Variants in TRIM62 observed in about 807,000 individuals in gnomAD.
TRIM62 encodes tripartite motif containing 62.
TRIM62 carries 39 observed loss-of-function variants against 44.2 expected under a neutral mutation model. The observed-to-expected ratio is 0.88, with a 90% CI of 0.68 to 1.15. The LOEUF (loss-of-function observed/expected upper bound fraction) is 1.15, where lower values mean the gene tolerates loss of function less well. Ranked by LOEUF, TRIM62 falls within the 50% of genes most tolerant of loss-of-function variation. The probability of loss-of-function intolerance (pLI) is 0.00; values close to 1 mark genes in which losing one functional copy is unlikely to be tolerated. For synonymous variants in TRIM62, 278 were observed against 292.3 expected (o/e 0.95, Z 0.50); for missense variants, 544 against 665.5 (o/e 0.82, Z 2.01).
At chr1:33,180,773 G>A (rs1393697915) in intron 1 of TRIM62, among the ~76,000 whole-genome samples, 1 of 152,142 alleles carries the variant, frequency 6.6e-6, no homozygotes, top group African/African-American at 2.4e-5. Context: ...CGGACCAGCC[G>A]GTACTCCAGG....
rs1645336266 is a variant in TRIM62, at chr1:33,167,177, T to A, written c.409-1611A>T. Among the ~76,000 whole-genome samples, 1 of 152,210 alleles carries A rather than the reference T, an allele frequency of 6.6e-6. No individual in the cohort carries two copies. Among genetic ancestry groups the A allele is most frequent in the Non-Finnish European group, 1.5e-5 (1 of 68,038 alleles). ...TCAGATGCCACCTCCTTGAAGAGTC[T>A]TGCCTGACCGCCCCACGCACAGTGG... On this transcript the variant is annotated intron_variant, in intron 1 of 4. Coordinates refer to ENST00000291416, the MANE Select transcript of TRIM62 (RefSeq NM_018207.3). This position sits in a 1 kb window ranked among gnomAD's most constrained non-coding sequence, Gnocchi z 4.2.
At position 33,161,554 on chromosome 1, in the gene TRIM62, C is replaced by T. The variant is rs1038706198; in HGVS notation, c.505-1610G>A. Reference sequence around the variant, plus strand: ...AGAACTGCTGGCGGTGGGCCAGCCTCGCTGCGCATGCCCACCCAGAACGCC... The same window carrying T: ...AGAACTGCTGGCGGTGGGCCAGCCTTGCTGCGCATGCCCACCCAGAACGCC... On this transcript the variant is annotated intron_variant, in intron 2 of 4. Coordinates refer to ENST00000291416, the MANE Select transcript of TRIM62 (RefSeq NM_018207.3). This position sits in a 1 kb window ranked among gnomAD's most constrained non-coding sequence, Gnocchi z 4.3. 2.6e-5 allele frequency among the ~76,000 whole-genome samples: 4 copies of T among 152,042 alleles called. No individual in the cohort carries two copies. The highest frequency in any genetic ancestry group is 9.7e-5 in the African/African-American group (4 of 41,386).
rs564453281 is a variant in TRIM62, at chr1:33,171,763, T to G, written c.409-6197A>C. Among the ~76,000 whole-genome samples, 4 of 152,282 alleles carry G rather than the reference T, an allele frequency of 2.6e-5. No individual in the cohort carries two copies. In the South Asian group the frequency reaches 6.2e-4, roughly 24 times the overall value. ...CTCCCTCCACCTTGGTTTCCAAATC[T>G]GTAAAGTAAGGTCTTATTTTTATTT... On this transcript the variant is annotated intron_variant, in intron 1 of 4. Transcript: ENST00000291416.
rs990512406 is a variant in TRIM62, at chr1:33,165,998, T to A, written c.409-432A>T. On this transcript the variant is annotated intron_variant, in intron 1 of 4. Coordinates refer to ENST00000291416, the MANE Select transcript of TRIM62 (RefSeq NM_018207.3). This position sits in a 1 kb window ranked among gnomAD's most constrained non-coding sequence, Gnocchi z 4.0. Reference sequence around the variant, plus strand: ...GGTGGGGAGGGGCAAACCATCTGTATTTGCAGCCGCTCCTCATCGCTGGCA... The same window carrying A: ...GGTGGGGAGGGGCAAACCATCTGTAATTGCAGCCGCTCCTCATCGCTGGCA... 2 of 153,824 alleles carry A rather than the reference T, an allele frequency of 1.3e-5. No individual in the cohort carries two copies. Among genetic ancestry groups the A allele is most frequent in the Admixed American group, 1.3e-4 (2 of 15,336 alleles). 9.5% of individuals were successfully genotyped at this position (153,824 alleles called of 1,614,324 possible).
Position 33,180,033 on chromosome 1 carries a change from G to C in TRIM62, c.408+992C>G, listed in dbSNP as rs886926426. On this transcript the variant is annotated intron_variant, in intron 1 of 4. Coordinates refer to ENST00000291416, the MANE Select transcript of TRIM62 (RefSeq NM_018207.3). ...GTTTGACCAGTGGAACTTGGAGAAG[G>C]CTTCACGGAGAGGATATTTGAGCAA... Among the ~76,000 whole-genome samples the C allele has an allele frequency of 2.4e-4, 34 of 139,824 alleles. 1 individual carries two copies. Among genetic ancestry groups the C allele is most frequent in the African/African-American group, 7.5e-4 (27 of 36,042 alleles). The allele number at this position is 139,824 out of a possible 152,430, so 91.7% of individuals were successfully genotyped here.
intron 1 of TRIM62, among the ~76,000 whole-genome samples, chr1:33,175,583 C>A (rs1645412943): frequency 6.6e-6 from 1 of 152,168 alleles, no homozygotes; most frequent in Non-Finnish European, 1.5e-5. Flanking sequence ...TTGGTGCTCC[C>A]TGGGACAGTT....
intron 4 of TRIM62, among the ~76,000 whole-genome samples, chr1:33,155,710 C>A (rs116549854): frequency 2.2e-4 from 34 of 152,338 alleles, no homozygotes; most frequent in Middle Eastern, 3.4e-3. Flanking sequence ...TCCCACTTCT[C>A]AGGGAGAATT....
Position 33,177,873 on chromosome 1 carries a change from C to T in TRIM62, c.408+3152G>A, listed in dbSNP as rs1047089509. On this transcript the variant is annotated intron_variant, in intron 1 of 4. Transcript: ENST00000291416. This position sits in a 1 kb window ranked among gnomAD's most constrained non-coding sequence, Gnocchi z 4.1. ...AGTACTAAGTTTTTATAAACATCAT[C>T]TTGTTTAATCCTAATATAATTACTT... Among the ~76,000 whole-genome samples the T allele has an allele frequency of 6.6e-6, 1 of 152,140 alleles. No individual in the cohort carries two copies. Among genetic ancestry groups the T allele is most frequent in the African/African-American group, 2.4e-5 (1 of 41,418 alleles).
chr1:33,156,209 A>G (rs886144406), intron 4 of TRIM62, among the ~76,000 whole-genome samples: 31 of 152,244 alleles, frequency 2.0e-4, no homozygotes, highest in Admixed American at 9.8e-4. Flanking sequence ...CTTTCCAATC[A>G]TCTCACAGAT....
intron 1 of TRIM62, among the ~76,000 whole-genome samples, chr1:33,168,198 G>A (rs1307439689): frequency 6.6e-6 from 1 of 152,122 alleles, no homozygotes; most frequent in Non-Finnish European, 1.5e-5. Context: ...TGTTTTGAGA[G>A]CCCATGCTGA....
intron 4 of TRIM62, among the ~76,000 whole-genome samples, chr1:33,153,306 C>G (rs978389734): frequency 2.6e-5 from 4 of 152,192 alleles, no homozygotes; most frequent in Non-Finnish European, 2.9e-5. Context: ...TCTGAACTCC[C>G]CAGGGGCCTC....
chr1:33,147,112 T>A lies in TRIM62; in HGVS notation c.*65A>T. ...GGTGGGCTGGAGTCCAGGTCTTCTA[T>A]CTCCTGGGCAGGGCTCTTGCAGGTG... On this transcript the variant is annotated 3_prime_UTR_variant, in exon 5 of 5. Coordinates refer to ENST00000291416, the MANE Select transcript of TRIM62 (RefSeq NM_018207.3). This position sits in a 1 kb window ranked among gnomAD's most constrained non-coding sequence, Gnocchi z 8.1. 2.6e-6 allele frequency: 4 copies of A among 1,552,008 alleles called. No homozygotes were observed. The highest frequency in any genetic ancestry group is 2.4e-5 in the South Asian group (2 of 82,030).
In TRIM62 at chr1:33,176,563, C is replaced by T. The variant is rs138723968; in HGVS notation, c.408+4462G>A. On this transcript the variant is annotated intron_variant, in intron 1 of 4. Coordinates refer to ENST00000291416, the MANE Select transcript of TRIM62 (RefSeq NM_018207.3). ...TAGGAACCTGAGACGGCCAGAGAGC[C>T]GGATGCCACGTCTGCTCTGACCAAG... 757 of 597,098 alleles carry T rather than the reference C, an allele frequency of 1.3e-3. 1 individual carries two copies. Among genetic ancestry groups the T allele is most frequent in the Non-Finnish European group, 2.1e-3 (673 of 318,694 alleles). The allele number at this position is 597,098 out of a possible 1,614,324, so 37.0% of individuals were successfully genotyped here. A position where few individuals can be genotyped will look rare whatever the true frequency, so the allele number is the denominator to read the frequency against.
At position 33,167,893 on chromosome 1, in the gene TRIM62, G is replaced by A. The variant is rs1645342638; in HGVS notation, c.409-2327C>T. Among the ~76,000 whole-genome samples, 1 of 152,194 alleles carries A rather than the reference G, an allele frequency of 6.6e-6. No homozygotes were observed. Among genetic ancestry groups the A allele is most frequent in the Admixed American group, 6.5e-5 (1 of 15,274 alleles). On this transcript the variant is annotated intron_variant, in intron 1 of 4. Coordinates refer to ENST00000291416, the MANE Select transcript of TRIM62 (RefSeq NM_018207.3). The surrounding 1 kb of genome is among the most constrained non-coding windows in gnomAD (Gnocchi z 4.2). ...TATTCATTTAAAAAACATTTCTTGG[G>A]CAACTATTATGTACCAGGCACTGTT...
At chr1:33,158,087 T>A (rs1234516734) in intron 4 of TRIM62, among the ~76,000 whole-genome samples, 166 bp downstream of exon 4, 5 of 152,212 alleles carry the variant, frequency 3.3e-5, no homozygotes, top group Non-Finnish European at 7.3e-5. Context: ...TCCACTGAGC[T>A]GAGTGATTGT....
intron 2 of TRIM62, chr1:33,164,012 GA>G (rs1645303872): frequency 6.6e-6 from 1 of 152,326 alleles, no homozygotes; most frequent in Non-Finnish European, 1.5e-5. Flanking sequence ...TGGGGAGAAG[GA>G]ACAGCCCATA....
rs555640507 is a variant in TRIM62 at position 33,154,627 on chromosome 1, G to A, written c.877+3626C>T. Among the ~76,000 whole-genome samples, 8 of 151,736 alleles carry A rather than the reference G, an allele frequency of 5.3e-5. No homozygotes were observed. In the East Asian group the frequency reaches 1.4e-3, roughly 26 times the overall value. On this transcript the variant is annotated intron_variant, in intron 4 of 4. Coordinates refer to ENST00000291416, the MANE Select transcript of TRIM62 (RefSeq NM_018207.3). ...ACCCTGGCCAACATGGTGAAACACC[G>A]TCTCTACTAAAAATACAAAAATTAG... is the stretch of plus-strand genomic sequence containing the variant.
chr1:33,159,170 AATG>A lies in TRIM62; in HGVS notation c.761+515_761+517del, dbSNP rs1483790948. 6.6e-6 allele frequency among the ~76,000 whole-genome samples: 1 copy of A among 152,014 alleles called. No homozygotes were observed. Among genetic ancestry groups the A allele is most frequent in the Non-Finnish European group, 1.5e-5 (1 of 68,014 alleles). On this transcript the variant is annotated intron_variant, in intron 3 of 4. Coordinates refer to ENST00000291416, the MANE Select transcript of TRIM62 (RefSeq NM_018207.3). The surrounding 1 kb of genome is among the most constrained non-coding windows in gnomAD (Gnocchi z 4.2). The stretch of plus-strand genomic sequence containing the variant: ...GGAGCCTCAGTTTCTACATGCATGA[AATG>A]ATGATGACAGTGGTAACTACTTTCA...
intron 4 of TRIM62, among the ~76,000 whole-genome samples, chr1:33,155,078 G>A (rs79987911): frequency 0.18 from 25,488 of 138,650 alleles, 2,830 homozygotes; most frequent in South Asian, 0.3. Context: ...GGGCGACAGA[G>A]CGAGACTCCA....
Sources: gnomAD v4.1 joint callset for allele counts (sites outside exome capture counted in the v4.1 genomes callset) on GRCh38, gnomAD v4.1.1 for gene constraint, Gnocchi (gnomAD v3.1) non-coding constraint, MANE v1.5 for transcripts, NCBI Gene and HGNC (gene_info 2026-07-23, HGNC 2026-07-21) for gene names.